The following PLXNA4 variants were observed in gnomAD, a reference collection of about 807,000 sequenced individuals.
PLXNA4 encodes plexin A4, also known as plexin-A4.
PLXNA4 carries 44 observed loss-of-function variants against 191.8 expected under a neutral mutation model. The ratio of observed to expected loss-of-function variants is 0.23; its 90% CI spans 0.18 to 0.29. The LOEUF is 0.29. Ranked by LOEUF, PLXNA4 falls within the 10% of genes least tolerant of loss-of-function variation. The pLI is 1.00. For synonymous variants in PLXNA4, 1,082 were observed against 1,009.5 expected (o/e 1.07, Z -1.36); for missense variants, 1,800 against 2,488.8 (o/e 0.72, Z 5.89).
At chr7:132,563,183 CCTTCCTCCTCCTCCT>C (rs1801406788) in intron 1 of PLXNA4, among the ~76,000 whole-genome samples, 1 of 33,532 alleles carries the variant, frequency 3.0e-5, no homozygotes, top group African/African-American at 8.1e-5. Context: ...TCCTCCTTCT[CCTTCCTCCTCCTCCT>C]CTTCCTCCTC....
chr7:132,463,041 G>T (rs1796573448), intron 3 of PLXNA4, among the ~76,000 whole-genome samples: 1 of 151,650 alleles, frequency 6.6e-6, no homozygotes, highest in Admixed American at 6.6e-5. Flanking sequence ...GTAGAAACGG[G>T]GTTTCACCAT....
chr7:132,604,868 G>A (rs891700210), intron 2 of PLXNA4, among the ~76,000 whole-genome samples: 1 of 152,148 alleles, frequency 6.6e-6, no homozygotes, highest in Non-Finnish European at 1.5e-5. Flanking sequence ...ACCGGACTCT[G>A]ACCCTAGCCA....
intron 3 of PLXNA4, among the ~76,000 whole-genome samples, chr7:132,334,022 T>G (rs950447413): frequency 6.6e-6 from 1 of 152,210 alleles, no homozygotes; most frequent in Non-Finnish European, 1.5e-5. Flanking sequence ...GTTATGCTTA[T>G]TAAATGTGTT....
chr7:132,438,019 G>A (rs777713223), intron 3 of PLXNA4, among the ~76,000 whole-genome samples: 6 of 152,240 alleles, frequency 3.9e-5, no homozygotes, highest in East Asian at 1.9e-4. Flanking sequence ...TGCATCCAGC[G>A]TGTGGTTGTG....
At position 132,511,263 on chromosome 7, in the gene PLXNA4, G is replaced by GCAA. The variant is rs1312910722; in HGVS notation, c.-86-2485_-86-2484insTTG. On this transcript the variant is annotated intron_variant, in intron 1 of 31. Transcript: ENST00000321063. ...CTTGGCTCACATAATCCTCACCACT[G>GCAA]TTCCCTGGGATCAGAATTGTCTTAT... 6.6e-3 allele frequency among the ~76,000 whole-genome samples: 1,003 copies of GCAA among 152,294 alleles called. 8 individuals are homozygous for GCAA. The highest frequency in any genetic ancestry group is 0.023 in the African/African-American group (953 of 41,568).
intron 25 of PLXNA4, among the ~76,000 whole-genome samples, chr7:132,150,280 T>G (rs1479721453): frequency 1.3e-5 from 2 of 152,202 alleles, no homozygotes; most frequent in African/African-American, 4.8e-5. Flanking sequence ...TTTCTTCAGT[T>G]TTTTTGTTTT....
At chr7:132,518,255 AG>A (rs1336585876) in intron 1 of PLXNA4, among the ~76,000 whole-genome samples, 37 of 152,166 alleles carry the variant, frequency 2.4e-4, no homozygotes, top group African/African-American at 8.7e-4. Context: ...AAAGAGCCAG[AG>A]GGTAGGGTTG....
At chr7:132,297,316 G>T (rs1801124134) in intron 4 of PLXNA4, among the ~76,000 whole-genome samples, 1 of 152,170 alleles carries the variant, frequency 6.6e-6, no homozygotes, top group South Asian at 2.1e-4. Flanking sequence ...CACCTCACTT[G>T]GGGTGGGCTG....
At chr7:132,185,015 C>A (rs1796829890) in intron 16 of PLXNA4, among the ~76,000 whole-genome samples, 1 of 152,184 alleles carries the variant, frequency 6.6e-6, no homozygotes, top group Non-Finnish European at 1.5e-5. Flanking sequence ...GCAGTCACTG[C>A]AGCATAGGGA....
chr7:132,363,284 C>T (rs1472602375), intron 3 of PLXNA4, among the ~76,000 whole-genome samples: 2 of 152,164 alleles, frequency 1.3e-5, no homozygotes, highest in African/African-American at 4.8e-5. Context: ...CGCACCCAGT[C>T]CCCAGAACTA....
chr7:132,157,757 G>A (rs1795838574), intron 25 of PLXNA4, among the ~76,000 whole-genome samples: 1 of 152,218 alleles, frequency 6.6e-6, no homozygotes, highest in South Asian at 2.1e-4. Context: ...AACAGTGGGT[G>A]CTAGCTGGTT....
At chr7:132,573,745 C>A (rs975024825) in intron 1 of PLXNA4, among the ~76,000 whole-genome samples, 1 of 152,162 alleles carries the variant, frequency 6.6e-6, no homozygotes, top group Non-Finnish European at 1.5e-5. Context: ...CCTGGGAGGA[C>A]AGATGAGAGC....
intron 31 of PLXNA4, among the ~76,000 whole-genome samples, chr7:132,132,161 C>T (rs569134563): frequency 3.3e-5 from 5 of 152,322 alleles, no homozygotes; most frequent in South Asian, 2.1e-4. Flanking sequence ...CCAGCAGTGT[C>T]GTGTGTGCCC....
At chr7:132,463,577 C>T (rs746519479) in intron 3 of PLXNA4, among the ~76,000 whole-genome samples, 1 of 152,186 alleles carries the variant, frequency 6.6e-6, no homozygotes, top group Non-Finnish European at 1.5e-5. Context: ...TAGAAACCAG[C>T]CCGTTTGTTG....
chr7:132,185,612 A>G, intron 15 of PLXNA4, 149 bp from the exon 16 acceptor site: 1 of 1,238,704 alleles, frequency 8.1e-7, no homozygotes, highest in African/African-American at 1.5e-5. Context: ...AGAGCCAGTG[A>G]CAAAGACTCT....
At chr7:132,399,718 A>G (rs1041210423) in intron 3 of PLXNA4, among the ~76,000 whole-genome samples, 2 of 152,204 alleles carry the variant, frequency 1.3e-5, no homozygotes, top group East Asian at 1.9e-4. Flanking sequence ...GCATCTGAAA[A>G]TGTTGTTAGG....
chr7:132,477,336 T>C (rs1312785317), intron 3 of PLXNA4, among the ~76,000 whole-genome samples: 1 of 151,900 alleles, frequency 6.6e-6, no homozygotes, highest in East Asian at 1.9e-4. Context: ...AAAATGGGAG[T>C]GGGCCACCAC....
At chr7:132,571,961 G>C (rs1177309298) in intron 1 of PLXNA4, among the ~76,000 whole-genome samples, 1 of 152,104 alleles carries the variant, frequency 6.6e-6, no homozygotes, top group Non-Finnish European at 1.5e-5. Flanking sequence ...CAGCCAAGGA[G>C]AAGACTCATC....
At chr7:132,478,176 C>A (rs1049156885) in intron 3 of PLXNA4, among the ~76,000 whole-genome samples, 1 of 152,102 alleles carries the variant, frequency 6.6e-6, no homozygotes, top group African/African-American at 2.4e-5. Context: ...GCCAACACTG[C>A]CTAACTAAAC....
Sources: gnomAD v4.1 joint callset for allele counts (sites outside exome capture counted in the v4.1 genomes callset) on GRCh38, gnomAD v4.1.1 for gene constraint, MANE v1.5 for transcripts, NCBI Gene and HGNC (gene_info 2026-07-23, HGNC 2026-07-21) for gene names.